Variants in GALNT13 observed in about 807,000 individuals in gnomAD.
GALNT13 encodes the protein polypeptide N-acetylgalactosaminyltransferase 13.
Under a neutral mutation model 64.2 loss-of-function variants are expected in GALNT13, and 28 were observed. The observed-to-expected ratio is 0.44, with a 90% CI of 0.32 to 0.60. The LOEUF (loss-of-function observed/expected upper bound fraction) is 0.60. Among genes scored for constraint, GALNT13 ranks in the 20% least tolerant of loss-of-function variants. The pLI, the probability that GALNT13 is intolerant of heterozygous loss-of-function variation, is 0.05. For missense variants in GALNT13, 577 were observed against 669.8 expected (o/e 0.86, Z 1.53); for synonymous variants, 214 against 224.6 (o/e 0.95, Z 0.42).
the GALNT13 span, among the ~76,000 whole-genome samples, chr2:153,266,483 C>G: frequency 4.1e-3 from 622 of 152,248 alleles, 5 homozygotes; most frequent in African/African-American, 0.013. Context: ...TTAATTGACT[C>G]ACAGTTTTAC....
the GALNT13 span, among the ~76,000 whole-genome samples, chr2:153,164,516 T>C: frequency 6.6e-6 from 1 of 152,212 alleles, no homozygotes; most frequent in Non-Finnish European, 1.5e-5. Flanking sequence ...ATAATTGATA[T>C]GTGAAAAATT....
At chr2:154,055,424 A>C (rs1699848961) in intron 3 of GALNT13, among the ~76,000 whole-genome samples, 2 of 152,106 alleles carry the variant, frequency 1.3e-5, no homozygotes, top group Admixed American at 1.3e-4. Flanking sequence ...TGTTCATAGA[A>C]ATTTAAACGT....
chr2:153,919,497 G>A (rs746592585), intron 2 of GALNT13, among the ~76,000 whole-genome samples: 1 of 151,894 alleles, frequency 6.6e-6, no homozygotes, highest in Non-Finnish European at 1.5e-5. Context: ...TAACAATGAT[G>A]CAGACCCCAG....
At chr2:154,341,100 T>C (rs1193090692) in intron 9 of GALNT13, among the ~76,000 whole-genome samples, 9 of 152,254 alleles carry the variant, frequency 5.9e-5, no homozygotes, top group African/African-American at 1.9e-4. Flanking sequence ...GGGCTAGAAC[T>C]CAACATTTGT....
At chr2:153,840,269 T>C in the GALNT13 span, among the ~76,000 whole-genome samples, 1 of 152,150 alleles carries the variant, frequency 6.6e-6, no homozygotes, top group African/African-American at 2.4e-5. Flanking sequence ...TTTGGTGTTA[T>C]GTTCCTATAA....
At chr2:153,194,220 T>C in the GALNT13 span, among the ~76,000 whole-genome samples, 1 of 152,180 alleles carries the variant, frequency 6.6e-6, no homozygotes, top group Non-Finnish European at 1.5e-5. Flanking sequence ...TTCTGGAACA[T>C]TTAAAATTTG....
chr2:153,937,383 A>G (rs186649080), intron 2 of GALNT13, among the ~76,000 whole-genome samples: 4 of 152,350 alleles, frequency 2.6e-5, no homozygotes, highest in African/African-American at 9.6e-5. Flanking sequence ...GACAGTCATG[A>G]AGGCAACATA....
chr2:153,257,161 G>A, the GALNT13 span, among the ~76,000 whole-genome samples: 65 of 152,340 alleles, frequency 4.3e-4, no homozygotes, highest in Admixed American at 9.8e-4. Context: ...GTGGTGCGCC[G>A]TTTTTTAAGC....
At chr2:154,192,138 A>G (rs1199130603) in intron 4 of GALNT13, among the ~76,000 whole-genome samples, 1 of 152,174 alleles carries the variant, frequency 6.6e-6, no homozygotes, top group Non-Finnish European at 1.5e-5. Flanking sequence ...TCATTTCACC[A>G]GTCATGGCTT....
intron 1 of GALNT13, among the ~76,000 whole-genome samples, chr2:153,883,309 C>T (rs1029505575): frequency 2.0e-5 from 3 of 151,850 alleles, no homozygotes; most frequent in Non-Finnish European, 2.9e-5. Flanking sequence ...CTCCACGAAG[C>T]ATGACTTCCT....
At chr2:153,882,178 G>GT (rs1444083505) in intron 1 of GALNT13, among the ~76,000 whole-genome samples, 11 of 150,490 alleles carry the variant, frequency 7.3e-5, no homozygotes, top group Admixed American at 1.3e-4. Flanking sequence ...CTAGAATGTA[G>GT]GGGGGGGTCG....
At chr2:153,754,510 C>A in the GALNT13 span, among the ~76,000 whole-genome samples, 1 of 152,116 alleles carries the variant, frequency 6.6e-6, no homozygotes, top group African/African-American at 2.4e-5. Flanking sequence ...GACAGCCTCA[C>A]AACTCTTGAC....
At chr2:153,890,820 T>A (rs1687500828) in intron 1 of GALNT13, among the ~76,000 whole-genome samples, 1 of 152,002 alleles carries the variant, frequency 6.6e-6, no homozygotes, top group Admixed American at 6.6e-5. Context: ...TTTAGAGCTG[T>A]TAAACCTGAA....
At chr2:154,314,895 G>A (rs913966660) in intron 9 of GALNT13, among the ~76,000 whole-genome samples, 1 of 152,012 alleles carries the variant, frequency 6.6e-6, no homozygotes, top group African/African-American at 2.4e-5. Flanking sequence ...TTCCAATGTT[G>A]AAACACACTC....
At chr2:154,183,798 G>A (rs905950803) in intron 4 of GALNT13, among the ~76,000 whole-genome samples, 2 of 151,386 alleles carry the variant, frequency 1.3e-5, no homozygotes, top group East Asian at 3.9e-4. Context: ...TCTTTTGATT[G>A]TTTTTCTAAT....
chr2:153,226,241 A>G, the GALNT13 span, among the ~76,000 whole-genome samples: 1 of 152,146 alleles, frequency 6.6e-6, no homozygotes, highest in African/African-American at 2.4e-5. Context: ...TCCAGCAAGC[A>G]ATTTTATAGA....
the GALNT13 span, among the ~76,000 whole-genome samples, chr2:153,736,411 T>A: frequency 6.6e-6 from 1 of 152,320 alleles, no homozygotes. Flanking sequence ...TTCCCCAATG[T>A]AATCAAGTAT....
the GALNT13 span, among the ~76,000 whole-genome samples, chr2:153,111,999 G>C: frequency 1.3e-5 from 2 of 152,098 alleles, no homozygotes; most frequent in Non-Finnish European, 2.9e-5. Flanking sequence ...ATGGGGATAT[G>C]AATTTACCCC....
At chr2:154,380,920 A>G (rs772693497) in intron 9 of GALNT13, among the ~76,000 whole-genome samples, 5 of 152,038 alleles carry the variant, frequency 3.3e-5, no homozygotes, top group Non-Finnish European at 7.4e-5. Flanking sequence ...TCTGTTTGCC[A>G]GCATTTTCTT....
Sources: allele counts gnomAD v4.1 joint callset (sites outside exome capture counted in the v4.1 genomes callset), GRCh38; gene constraint gnomAD v4.1.1; transcripts MANE v1.5; gene names NCBI Gene and HGNC (gene_info 2026-07-23, HGNC 2026-07-21).